SYT6: variants seen among roughly 807,000 people sequenced by gnomAD.
SYT6 encodes the protein synaptotagmin-6.
SYT6 carries 24 observed loss-of-function variants against 38.4 expected under a neutral mutation model. The observed-to-expected ratio is 0.62, with a 90% CI of 0.45 to 0.88. The LOEUF (loss-of-function observed/expected upper bound fraction) is 0.88. Ranked by LOEUF, SYT6 falls within the 40% of genes least tolerant of loss-of-function variation. The probability of loss-of-function intolerance (pLI) is 0.00; values close to 1 mark genes in which losing one functional copy is unlikely to be tolerated. For missense variants in SYT6, 611 were observed against 621.0 expected (o/e 0.98, Z 0.17); for synonymous variants, 265 against 241.9 (o/e 1.10, Z -0.89).
intron 3 of SYT6, among the ~76,000 whole-genome samples, chr1:114,133,307 T>A (rs1488796806): frequency 6.6e-6 from 1 of 152,152 alleles, no homozygotes; most frequent in African/African-American, 2.4e-5. Context: ...AGCCTTTGTC[T>A]CCTGCCACAG....
At chr1:114,101,313 T>C (rs1675956462) in intron 4 of SYT6, among the ~76,000 whole-genome samples, 1 of 152,114 alleles carries the variant, frequency 6.6e-6, no homozygotes, top group Non-Finnish European at 1.5e-5. Flanking sequence ...AAGTCTGCGG[T>C]TTCTAGTGGA....
chr1:114,138,465 C>T (rs992326193), intron 2 of SYT6, among the ~76,000 whole-genome samples: 1 of 152,204 alleles, frequency 6.6e-6, no homozygotes, highest in Admixed American at 6.5e-5. Context: ...TCACCATCAT[C>T]ACCATCACCA....
chr1:114,117,620 C>T (rs1677078085), intron 3 of SYT6, among the ~76,000 whole-genome samples: 2 of 152,220 alleles, frequency 1.3e-5, no homozygotes, highest in South Asian at 4.1e-4. Flanking sequence ...CCTCCCAGCC[C>T]TGGGCTTCCC....
chr1:114,120,030 C>G (rs1677289618), intron 3 of SYT6, among the ~76,000 whole-genome samples: 1 of 149,324 alleles, frequency 6.7e-6, no homozygotes, highest in Non-Finnish European at 1.5e-5. Flanking sequence ...GAGATCGCAC[C>G]ACTGCACTCC....
At chr1:114,135,777 G>A (rs1678443122) in intron 3 of SYT6, among the ~76,000 whole-genome samples, 2 of 152,192 alleles carry the variant, frequency 1.3e-5, no homozygotes, top group African/African-American at 4.8e-5. Context: ...GCTGGGCTGA[G>A]CTCTGCTTCC....
At chr1:114,104,145 C>T (rs909226834) in intron 3 of SYT6, among the ~76,000 whole-genome samples, 2 of 152,230 alleles carry the variant, frequency 1.3e-5, no homozygotes, top group Non-Finnish European at 2.9e-5. Context: ...TGACAGTGTC[C>T]TGGACAAGAC....
chr1:114,103,978 C>A (rs1394578920), intron 3 of SYT6, among the ~76,000 whole-genome samples: 1 of 152,032 alleles, frequency 6.6e-6, no homozygotes, highest in East Asian at 1.9e-4. Context: ...TGACCCTGGT[C>A]CTTGCTGTTC....
intron 3 of SYT6, among the ~76,000 whole-genome samples, chr1:114,123,095 C>A (rs1677518899): frequency 6.6e-6 from 1 of 152,144 alleles, no homozygotes; most frequent in Non-Finnish European, 1.5e-5. Flanking sequence ...ATGTATTGAT[C>A]CTGTGAGGGG....
intron 6 of SYT6, among the ~76,000 whole-genome samples, chr1:114,094,474 C>T (rs1675512016): frequency 6.6e-6 from 1 of 152,178 alleles, no homozygotes; most frequent in African/African-American, 2.4e-5. Context: ...AATGATGACA[C>T]ATGGCTCTGG....
At chr1:114,153,430 C>T (rs1405139358) in intron 1 of SYT6, among the ~76,000 whole-genome samples, 180 bp downstream of exon 1, 1 of 152,260 alleles carries the variant, frequency 6.6e-6, no homozygotes, top group Non-Finnish European at 1.5e-5. Context: ...CGCTCCCCTT[C>T]GGGTCTCTCC....
At chr1:114,146,872 A>G (rs1193828706) in intron 1 of SYT6, among the ~76,000 whole-genome samples, 3 of 152,208 alleles carry the variant, frequency 2.0e-5, no homozygotes, top group Non-Finnish European at 4.4e-5. Flanking sequence ...GGGTAATAAT[A>G]GTATCTACCT....
intron 3 of SYT6, among the ~76,000 whole-genome samples, chr1:114,112,684 G>T (rs1676756753): frequency 6.6e-6 from 1 of 152,268 alleles, no homozygotes; most frequent in Admixed American, 6.5e-5. Flanking sequence ...CAGAGCCGAG[G>T]ACCTCACTTC....
Position 114,099,070 on chromosome 1 carries a change from C to T in SYT6, c.1364+24G>A, listed in dbSNP as rs377520356. On this transcript the variant is annotated intron_variant, in intron 5 of 7. Coordinates refer to ENST00000610222, the MANE Select transcript of SYT6 (RefSeq NM_001253772.2). The stretch of plus-strand genomic sequence containing the variant: ...GGAGTGGGAGTGAGGGGTAGAATTA[C>T]GTCCCTCTAGGACGCCTACCTACCG... 5.9e-5 allele frequency: 94 copies of T among 1,592,826 alleles called. 2 individuals carry two copies. In the Middle Eastern group the frequency reaches 6.7e-4, roughly 11 times the overall value.
At chr1:114,122,506 T>TGTGTGTGTGTGTGTGCGCGC (rs60780339) in intron 3 of SYT6, among the ~76,000 whole-genome samples, 3,243 of 147,298 alleles carry the variant, frequency 0.022, 71 homozygotes, top group Admixed American at 0.054. Context: ...TGTGTGTGTG[T>TGTGTGTGTGTGTGTGCGCGC]GCGCGCACAT....
In SYT6 at chr1:114,091,707, C is replaced by G. The variant is rs1675309128; in HGVS notation, c.*427G>C. ...AAACTGTACCTTGTATTTTCTAGAA[C>G]CAACTTCTGGGCTTTCCACCCTTTG... On this transcript the variant is annotated 3_prime_UTR_variant, in exon 8 of 8. Coordinates refer to ENST00000610222, the MANE Select transcript of SYT6 (RefSeq NM_001253772.2). The G allele has an allele frequency of 3.9e-6, 1 of 254,812 alleles. No homozygotes were observed. The allele number at this position is 254,812 out of a possible 1,614,324, so 15.8% of individuals were successfully genotyped here.
At chr1:114,138,123 C>A (rs11102739) in intron 2 of SYT6, 70 bp from the exon 3 acceptor site, 175,861 of 1,455,364 alleles carry the variant, frequency 0.12, 11,321 homozygotes, top group Middle Eastern at 0.15. Context: ...AAGGCAAACA[C>A]GAGCCTGGAG....
At chr1:114,135,795 C>T (rs1033036593) in intron 3 of SYT6, among the ~76,000 whole-genome samples, 1 of 152,190 alleles carries the variant, frequency 6.6e-6, no homozygotes, top group African/African-American at 2.4e-5. Context: ...TCCTGCAGCC[C>T]CTGGCCCTCA....
In SYT6 at chr1:114,089,884, C is replaced by A. The variant is rs1233243804; in HGVS notation, c.*2250G>T. On this transcript the variant is annotated 3_prime_UTR_variant, in exon 8 of 8. Coordinates refer to ENST00000610222, the MANE Select transcript of SYT6 (RefSeq NM_001253772.2). Reference sequence around the variant, plus strand: ...TTTTCTGAAACCACTGGGATGTTCACTCATGGGAGATAGCTGCTTGGATAT... The same window carrying A: ...TTTTCTGAAACCACTGGGATGTTCAATCATGGGAGATAGCTGCTTGGATAT... 1 of 152,356 alleles carries A rather than the reference C, an allele frequency of 6.6e-6. No homozygotes were observed. The highest frequency in any genetic ancestry group is 1.5e-5 in the Non-Finnish European group (1 of 68,048). 9.4% of individuals were successfully genotyped at this position (152,356 alleles called of 1,614,324 possible). A position where few individuals can be genotyped will look rare whatever the true frequency, so the allele number is the denominator to read the frequency against.
intron 1 of SYT6, among the ~76,000 whole-genome samples, chr1:114,149,276 C>T (rs1175156642): frequency 6.3e-4 from 17 of 27,030 alleles, no homozygotes; most frequent in Admixed American, 4.5e-3. Context: ...GAGGCTCAGA[C>T]GTGGCCCATT....
Sources: allele counts gnomAD v4.1 joint callset (sites outside exome capture counted in the v4.1 genomes callset), GRCh38; gene constraint gnomAD v4.1.1; transcripts MANE v1.5; gene names NCBI Gene and HGNC (gene_info 2026-07-23, HGNC 2026-07-21).